Variants in AGBL4 observed in about 807,000 individuals in gnomAD.
The protein encoded by AGBL4 is cytosolic carboxypeptidase 6.
AGBL4 carries 58 observed loss-of-function variants against 66.4 expected under a neutral mutation model. The observed-to-expected ratio is 0.87, with a 90% CI of 0.71 to 1.09. AGBL4 has a LOEUF of 1.09. AGBL4 is among the 50% of genes least tolerant of loss of function. AGBL4 has a pLI of 0.00. For synonymous variants in AGBL4, 234 were observed against 222.9 expected (o/e 1.05, Z -0.44); for missense variants, 579 against 631.0 (o/e 0.92, Z 0.88).
intron 1 of AGBL4, among the ~76,000 whole-genome samples, chr1:49,915,780 C>G (rs1028153785): frequency 1.3e-5 from 2 of 152,146 alleles, no homozygotes; most frequent in African/African-American, 4.8e-5. Context: ...AACGGACAGG[C>G]TGCCTCCTCA....
chr1:48,624,349 G>C (rs925262241), intron 9 of AGBL4, among the ~76,000 whole-genome samples: 1 of 152,194 alleles, frequency 6.6e-6, no homozygotes, highest in Non-Finnish European at 1.5e-5. Context: ...TCAGATAAGG[G>C]AGCTACCAAG....
At chr1:49,089,681 T>A (rs1400864685) in intron 4 of AGBL4, among the ~76,000 whole-genome samples, 1 of 152,114 alleles carries the variant, frequency 6.6e-6, no homozygotes, top group Non-Finnish European at 1.5e-5. Context: ...GAAAAACTGG[T>A]ACAATTCCTA....
chr1:48,752,134 A>C (rs913302130), intron 6 of AGBL4, among the ~76,000 whole-genome samples: 1 of 152,198 alleles, frequency 6.6e-6, no homozygotes, highest in Non-Finnish European at 1.5e-5. Flanking sequence ...CCTTACCTCC[A>C]CAAGGGAGAT....
At chr1:49,940,687 T>G (rs1654659442) in intron 1 of AGBL4, among the ~76,000 whole-genome samples, 1 of 151,378 alleles carries the variant, frequency 6.6e-6, no homozygotes, top group South Asian at 2.1e-4. Flanking sequence ...AACATCACAC[T>G]CTGGGGACTG....
chr1:49,690,711 A>T (rs1444050524), intron 3 of AGBL4, among the ~76,000 whole-genome samples: 1 of 152,230 alleles, frequency 6.6e-6, no homozygotes, highest in Non-Finnish European at 1.5e-5. Context: ...GTTGAATGAC[A>T]GAGCAAATGA....
chr1:49,925,470 G>C (rs1411957481), intron 1 of AGBL4, among the ~76,000 whole-genome samples: 2 of 152,276 alleles, frequency 1.3e-5, no homozygotes. Flanking sequence ...GCTACAGGGA[G>C]TGGTCCCTTC....
intron 6 of AGBL4, among the ~76,000 whole-genome samples, chr1:48,689,828 G>T (rs1161275669): frequency 6.6e-6 from 1 of 152,110 alleles, no homozygotes; most frequent in South Asian, 2.1e-4. Context: ...TCACTTGAAC[G>T]CAGGAGGCAG....
At chr1:49,243,990 T>C (rs1244232693) in intron 4 of AGBL4, among the ~76,000 whole-genome samples, 1 of 151,738 alleles carries the variant, frequency 6.6e-6, no homozygotes, top group Non-Finnish European at 1.5e-5. Context: ...TAAAGCATCA[T>C]AATCCAAAAG....
intron 2 of AGBL4, among the ~76,000 whole-genome samples, chr1:49,772,300 TC>T (rs1644084167): frequency 6.6e-6 from 1 of 152,270 alleles, no homozygotes; most frequent in East Asian, 1.9e-4. Context: ...TTAATTTATA[TC>T]TTTATATTTT....
At chr1:49,949,265 T>TA (rs1315656961) in intron 1 of AGBL4, among the ~76,000 whole-genome samples, 2 of 151,806 alleles carry the variant, frequency 1.3e-5, no homozygotes, top group African/African-American at 4.8e-5. Context: ...ATAAAAATTC[T>TA]AAAAAATAAC....
At chr1:49,782,311 T>C (rs1644355533) in intron 2 of AGBL4, among the ~76,000 whole-genome samples, 1 of 152,090 alleles carries the variant, frequency 6.6e-6, no homozygotes, top group Non-Finnish European at 1.5e-5. Flanking sequence ...AAAAGAATTA[T>C]AAGATCATAC....
intron 4 of AGBL4, among the ~76,000 whole-genome samples, chr1:49,181,350 C>T (rs913690310): frequency 1.3e-5 from 2 of 152,162 alleles, no homozygotes; most frequent in Admixed American, 1.3e-4. Flanking sequence ...CACCCCCAAC[C>T]TGGGTTCCAA....
intron 4 of AGBL4, among the ~76,000 whole-genome samples, chr1:49,156,858 G>T (rs76740265): frequency 6.6e-6 from 1 of 152,116 alleles, no homozygotes; most frequent in African/African-American, 2.4e-5. Context: ...CATCTTGAAG[G>T]GTAGCTATGA....
intron 1 of AGBL4, among the ~76,000 whole-genome samples, chr1:49,895,761 C>T (rs139652178): frequency 2.0e-4 from 31 of 151,548 alleles, no homozygotes; most frequent in African/African-American, 7.2e-4. Context: ...AATTACACCA[C>T]CAGAGAGAAT....
chr1:49,063,307 A>G lies in AGBL4; in HGVS notation c.378-17507T>C, dbSNP rs537364634. 3.8e-4 allele frequency among the ~76,000 whole-genome samples: 58 copies of G among 152,346 alleles called. 1 individual carries two copies. The highest frequency in any genetic ancestry group is 1.3e-3 in the African/African-American group (53 of 41,572). ...AGCTACAAAATGCTTTCTTTATAAG[A>G]AAGCTAGGAGAGAAGCACAACACGT... On this transcript the variant is annotated intron_variant, in intron 4 of 13. Transcript: ENST00000371839.
At chr1:49,051,803 G>C (rs561010868) in intron 4 of AGBL4, among the ~76,000 whole-genome samples, 2 of 151,946 alleles carry the variant, frequency 1.3e-5, no homozygotes, top group South Asian at 2.1e-4. Flanking sequence ...ATCTCTCTCC[G>C]CACTTTGTCA....
intron 3 of AGBL4, among the ~76,000 whole-genome samples, chr1:49,530,282 A>AAAAAAAAAAAAAAAAAT (rs1558025489): frequency 6.9e-6 from 1 of 145,414 alleles, no homozygotes; most frequent in African/African-American, 2.5e-5. Context: ...ACAAAAAAAA[A>AAAAAAAAAAAAAAAAAT]CTCTATGAGT....
At chr1:49,141,157 A>T (rs1646110527) in intron 4 of AGBL4, among the ~76,000 whole-genome samples, 2 of 152,218 alleles carry the variant, frequency 1.3e-5, no homozygotes, top group Admixed American at 6.5e-5. Flanking sequence ...AACATTGCAA[A>T]TACAAAGTAA....
At chr1:48,800,783 G>A (rs975707586) in intron 6 of AGBL4, among the ~76,000 whole-genome samples, 1 of 152,160 alleles carries the variant, frequency 6.6e-6, no homozygotes, top group African/African-American at 2.4e-5. Flanking sequence ...CATCAGCTGT[G>A]GTAGCAGAAG....
Sources: allele counts gnomAD v4.1 joint callset (sites outside exome capture counted in the v4.1 genomes callset), GRCh38; gene constraint gnomAD v4.1.1; transcripts MANE v1.5; gene names NCBI Gene and HGNC (gene_info 2026-07-23, HGNC 2026-07-21).